GPM6A: variants seen among roughly 807,000 people sequenced by gnomAD.
GPM6A encodes neuronal membrane glycoprotein M6-a.
In GPM6A, 7 loss-of-function variants were observed where a neutral mutation model predicts 32.1. The ratio of observed to expected loss-of-function variants is 0.22; its 90% confidence interval spans 0.12 to 0.41. The LOEUF (loss-of-function observed/expected upper bound fraction) is 0.41, where lower values mean the gene tolerates loss of function less well. Ranked by LOEUF, GPM6A falls within the 10% of genes least tolerant of loss-of-function variation. The pLI, the probability that GPM6A is intolerant of heterozygous loss-of-function variation, is 1.00. For synonymous variants in GPM6A, 130 were observed against 123.4 expected (o/e 1.05, Z -0.35); for missense variants, 235 against 347.2 (o/e 0.68, Z 2.57).
At chr4:175,676,554 C>T (rs60782140) in intron 2 of GPM6A, among the ~76,000 whole-genome samples, 6 of 152,130 alleles carry the variant, frequency 3.9e-5, no homozygotes, top group Non-Finnish European at 8.8e-5. Context: ...CGAAACCAGC[C>T]TGGTCAACAT....
At chr4:175,719,477 A>T (rs184715524) in intron 1 of GPM6A, among the ~76,000 whole-genome samples, 1 of 152,306 alleles carries the variant, frequency 6.6e-6, no homozygotes, top group African/African-American at 2.4e-5. Context: ...TATTTCCTAC[A>T]TCAAAATGTT....
At position 175,868,774 on chromosome 4, in the gene GPM6A, A is replaced by G. The variant is rs372556328; in HGVS notation, c.-22-56525T>C. ...TTATATCTCATTATTACTCAGTAACAATTTTTGTAAATGTTGAATCCTTAC... is the reference window on the plus strand; with the variant it reads ...TTATATCTCATTATTACTCAGTAACGATTTTTGTAAATGTTGAATCCTTAC... On this transcript the variant is annotated intron_variant, in intron 1 of 7. Coordinates refer to the GPM6A transcript ENST00000280187. Among the ~76,000 whole-genome samples, 9 of 152,240 alleles carry G rather than the reference A, an allele frequency of 5.9e-5. No homozygotes were observed. The East Asian group carries it at 9.6e-4, about 16-fold the overall frequency.
chr4:175,858,321 C>T (rs1364480345), intron 1 of GPM6A, among the ~76,000 whole-genome samples: 1 of 152,094 alleles, frequency 6.6e-6, no homozygotes, highest in African/African-American at 2.4e-5. Context: ...CGCCTGAGGT[C>T]AGGAGTTTGA....
chr4:175,691,440 A>C (rs1267383730), intron 2 of GPM6A, among the ~76,000 whole-genome samples: 1 of 152,130 alleles, frequency 6.6e-6, no homozygotes, highest in Admixed American at 6.5e-5. Flanking sequence ...TTTAAAAAGC[A>C]TATAAGAAAA....
intron 1 of GPM6A, among the ~76,000 whole-genome samples, chr4:175,792,900 C>T (rs1476071006): frequency 5.9e-5 from 9 of 151,984 alleles, no homozygotes; most frequent in Non-Finnish European, 1.0e-4. Context: ...ACAATGTGGC[C>T]GACCATGGTG....
Position 175,912,148 on chromosome 4 carries a change from C to A in GPM6A, c.-23+90161G>T, listed in dbSNP as rs1560990551. On this transcript the variant is annotated intron_variant, in intron 1 of 7. Transcript: ENST00000280187. ...AAAGAAATAAAAATAAACAAGTAAA[C>A]AAATTGAGTTTATTTTTTATTAACT... 2.0e-5 allele frequency among the ~76,000 whole-genome samples: 3 copies of A among 152,044 alleles called. No homozygotes were observed. In the East Asian group the frequency reaches 5.8e-4, roughly 29 times the overall value.
intron 1 of GPM6A, among the ~76,000 whole-genome samples, chr4:175,960,001 A>G (rs1290760172): frequency 6.6e-6 from 1 of 152,204 alleles, no homozygotes; most frequent in Non-Finnish European, 1.5e-5. Context: ...ATCCCACTTT[A>G]CAAGCAAGAA....
At chr4:175,780,464 G>A (rs142912988) in intron 1 of GPM6A, among the ~76,000 whole-genome samples, 18 of 152,282 alleles carry the variant, frequency 1.2e-4, no homozygotes, top group African/African-American at 4.3e-4. Flanking sequence ...CCAAGTGCTT[G>A]GCACAGAGTA....
chr4:175,635,928 T>C (rs1289933589), intron 6 of GPM6A, among the ~76,000 whole-genome samples: 4 of 151,958 alleles, frequency 2.6e-5, no homozygotes, highest in Admixed American at 2.6e-4. Flanking sequence ...AATAGAACAC[T>C]AAGATTTTGA....
chr4:175,930,679 C>T (rs1739010628), intron 1 of GPM6A, among the ~76,000 whole-genome samples: 1 of 152,010 alleles, frequency 6.6e-6, no homozygotes, highest in Non-Finnish European at 1.5e-5. Context: ...AATTTGAAGA[C>T]TTCTATCAAG....
At chr4:175,823,501 C>A (rs1261898969) in intron 1 of GPM6A, among the ~76,000 whole-genome samples, 2 of 152,112 alleles carry the variant, frequency 1.3e-5, no homozygotes, top group African/African-American at 2.4e-5. Context: ...GGTGTAAATA[C>A]AACTTTATGC....
chr4:175,859,123 G>A (rs1013711610), intron 1 of GPM6A, among the ~76,000 whole-genome samples: 2 of 152,172 alleles, frequency 1.3e-5, no homozygotes, highest in African/African-American at 4.8e-5. Context: ...GAAGAAAGCT[G>A]AGGAAGGATG....
intron 6 of GPM6A, 72 bp downstream of exon 6, chr4:175,640,056 GT>G (rs2110883906): frequency 1.7e-6 from 2 of 1,165,910 alleles, no homozygotes; most frequent in East Asian, 4.7e-5. Flanking sequence ...TTTAGAGATA[GT>G]TTATCATCTC....
intron 1 of GPM6A, among the ~76,000 whole-genome samples, chr4:175,998,022 T>TTC (rs1741362787): frequency 6.6e-6 from 1 of 152,216 alleles, no homozygotes; most frequent in African/African-American, 2.4e-5. Flanking sequence ...TTCATGGGTT[T>TTC]TCCTCTCACT....
Position 175,851,148 on chromosome 4 carries a change from G to T in GPM6A, c.-22-38899C>A, listed in dbSNP as rs183457937. On this transcript the variant is annotated intron_variant, in intron 1 of 7. Transcript: ENST00000280187. The stretch of plus-strand genomic sequence containing the variant: ...CCGAGGTGGGCAGATCACAAGGTCA[G>T]GAGTTTGAGACCAGCCTGGCCAACA... Among the ~76,000 whole-genome samples, 18 of 152,146 alleles carry T rather than the reference G, an allele frequency of 1.2e-4. No individual in the cohort carries two copies. The East Asian group carries it at 1.5e-3, about 13-fold the overall frequency.
At chr4:175,720,256 T>C (rs1251213117) in intron 1 of GPM6A, among the ~76,000 whole-genome samples, 1 of 152,188 alleles carries the variant, frequency 6.6e-6, no homozygotes, top group Non-Finnish European at 1.5e-5. Context: ...ACAGGACACA[T>C]CCTTAAGAGG....
At position 175,964,123 on chromosome 4, in the gene GPM6A, C is replaced by G. The variant is rs543528207; in HGVS notation, c.-23+38186G>C. On this transcript the variant is annotated intron_variant, in intron 1 of 7. Coordinates refer to the GPM6A transcript ENST00000280187. ...AAAAAAAGAGAGAGAGAGAAAGAAA[C>G]AAAGAGCAGGGGCAACAAGTAGAAA... Among the ~76,000 whole-genome samples, 3 of 150,344 alleles carry G rather than the reference C, an allele frequency of 2.0e-5. No homozygotes were observed. The East Asian group carries it at 5.9e-4, about 30-fold the overall frequency.
In GPM6A at chr4:175,710,604, T is replaced by C. The variant is rs74693315; in HGVS notation, c.38-8837A>G. ...GAAATTTATAGTGACTTCCTTTAAA[T>C]TAAATCCAAGACTTGAGTTTTTCGG... On this transcript the variant is annotated intron_variant, in intron 1 of 6. Coordinates refer to ENST00000393658, the MANE Select transcript of GPM6A (RefSeq NM_201591.3). 4.4e-4 allele frequency among the ~76,000 whole-genome samples: 67 copies of C among 152,312 alleles called. 1 individual carries two copies. In the East Asian group the frequency reaches 0.013, roughly 29 times the overall value.
chr4:175,911,137 G>C (rs1476098002), intron 1 of GPM6A, among the ~76,000 whole-genome samples: 1 of 152,120 alleles, frequency 6.6e-6, no homozygotes, highest in Non-Finnish European at 1.5e-5. Context: ...AGGTGTCTTA[G>C]ACACCAGTCT....
Sources: gnomAD v4.1 joint callset for allele counts (sites outside exome capture counted in the v4.1 genomes callset) on GRCh38, gnomAD v4.1.1 for gene constraint, MANE v1.5 for transcripts, NCBI Gene and HGNC (gene_info 2026-07-23, HGNC 2026-07-21) for gene names.